USP47: variants seen among roughly 807,000 people sequenced by gnomAD.
USP47 encodes ubiquitin specific peptidase 47, also known as ubiquitin carboxyl-terminal hydrolase 47.
Under a neutral mutation model 165.1 loss-of-function variants are expected in USP47, and 35 were observed. The observed-to-expected ratio is 0.21, with a 90% CI of 0.16 to 0.28. The LOEUF is 0.28. USP47 is among the 10% of genes least tolerant of loss of function. The pLI is 1.00. For synonymous variants in USP47, 531 were observed against 544.5 expected, an observed-to-expected ratio of 0.98 and a Z score of 0.35; for missense variants, 1,277 against 1,607.4, an observed-to-expected ratio of 0.79 and a Z score of 3.52.
intron 1 of USP47, among the ~76,000 whole-genome samples, chr11:11,870,380 A>T (rs1849959680): frequency 6.6e-6 from 1 of 152,170 alleles, no homozygotes; most frequent in African/African-American, 2.4e-5. Context: ...CTCAACTGTC[A>T]AGTCTTTAAT....
rs1401624481 is a variant in USP47 at position 11,922,818 on chromosome 11, A to G, written c.1313A>G (p.Asp438Gly). The change falls in exon 11 of 28, where the codon GAT becomes GGT. Residue 438 changes from aspartate to glycine, a missense_variant. Asp to Gly is a moderately conservative substitution (Grantham distance 94). Around this residue, in one of 4 missense-constraint regions of USP47, gnomAD observed 175 missense variants for 295.8 expected, o/e 0.59. Coordinates refer to ENST00000527733, the MANE Select transcript of USP47 (RefSeq NM_001282659.2). The stretch of plus-strand genomic sequence containing the variant: ...ATGAGCAACGATTTCTCCAATGATG[A>G]TGGTGTTGATGAAGGAATCTGTCTT... ...DQMSNDFSND[D>G]GVDEGICLET... 1.9e-6 allele frequency: 3 copies of G among 1,611,828 alleles called. No homozygotes were observed. Among genetic ancestry groups the G allele is most frequent in the East Asian group, 2.2e-5 (1 of 44,678 alleles).
intron 1 of USP47, among the ~76,000 whole-genome samples, chr11:11,844,532 AC>A (rs764540635): frequency 6.6e-5 from 10 of 152,164 alleles, no homozygotes; most frequent in Non-Finnish European, 1.5e-4. Flanking sequence ...TAAATGGCAG[AC>A]CTAGTGCTAG....
intron 20 of USP47, among the ~76,000 whole-genome samples, chr11:11,945,063 TGGTGAA>T (rs1855735259): frequency 6.6e-6 from 1 of 152,212 alleles, no homozygotes; most frequent in Admixed American, 6.5e-5. Flanking sequence ...ATAGTAAACA[TGGTGAA>T]GAAGAGAAAC....
intron 16 of USP47, among the ~76,000 whole-genome samples, chr11:11,934,819 T>C (rs751244559): frequency 3.9e-5 from 6 of 152,136 alleles, no homozygotes; most frequent in Non-Finnish European, 8.8e-5. Context: ...TTAACAAATA[T>C]AAGTTTTCCC....
At chr11:11,904,025 A>G (rs1329652074) in intron 7 of USP47, among the ~76,000 whole-genome samples, 1 of 152,210 alleles carries the variant, frequency 6.6e-6, no homozygotes, top group Admixed American at 6.5e-5. Context: ...AATGTAGATT[A>G]CAATCTATTC....
intron 1 of USP47, 27 bp from the exon 2 acceptor site, chr11:11,880,150 A>T: frequency 7.1e-7 from 1 of 1,416,280 alleles, no homozygotes; most frequent in African/African-American, 1.5e-5. Flanking sequence ...GATAATATAT[A>T]AAGTCATATT....
intron 1 of USP47, among the ~76,000 whole-genome samples, chr11:11,846,354 C>T (rs1002061899): frequency 5.9e-5 from 9 of 152,128 alleles, no homozygotes; most frequent in Admixed American, 3.9e-4. Flanking sequence ...ATTTGTTCTT[C>T]TCTCAAGTGT....
intron 4 of USP47, among the ~76,000 whole-genome samples, chr11:11,894,301 C>A (rs1851718213): frequency 6.6e-6 from 1 of 151,950 alleles, no homozygotes; most frequent in East Asian, 1.9e-4. Flanking sequence ...ACTAAAAATA[C>A]AAAAATTAGC....
Position 11,884,372 on chromosome 11 carries a change from T to TA in USP47, c.244-88dup, listed in dbSNP as rs1446574777. ...GAAGAGAATTTTACCAGATCATTAC[T>TA]AAAAAAATACTATTTAAATGTAGAT... On this transcript the variant is annotated intron_variant, in intron 2 of 27. Coordinates refer to ENST00000527733, the MANE Select transcript of USP47 (RefSeq NM_001282659.2). The TA allele has an allele frequency of 1.9e-5, 17 of 900,420 alleles. No individual in the cohort carries two copies. The South Asian group carries it at 2.1e-4, about 11-fold the overall frequency. The allele number at this position is 900,420 out of a possible 1,614,324, so 55.8% of individuals were successfully genotyped here. A position where few individuals can be genotyped will look rare whatever the true frequency, so the allele number is the denominator to read the frequency against.
At position 11,957,948 on chromosome 11, in the gene USP47, A is replaced by G. The variant is rs896512019; in HGVS notation, c.*1773A>G. 15 of 152,334 alleles carry G rather than the reference A, an allele frequency of 9.8e-5. No individual in the cohort carries two copies. The highest frequency in any genetic ancestry group is 3.4e-4 in the African/African-American group (14 of 41,574). The allele number at this position is 152,334 out of a possible 1,614,324, so 9.4% of individuals were successfully genotyped here. ...GACTGAAGTAATGTTCTGAGTTTGC[A>G]TTAGTGGGATTGGTGATGTTCTCAG... On this transcript the variant is annotated 3_prime_UTR_variant, in exon 28 of 28. Transcript: ENST00000527733.
intron 8 of USP47, among the ~76,000 whole-genome samples, chr11:11,910,434 G>C (rs1020273699): frequency 1.3e-5 from 2 of 152,098 alleles, no homozygotes; most frequent in South Asian, 4.1e-4. Context: ...GACCATAACT[G>C]CTGTGCTCTA....
chr11:11,862,513 T>C (rs184007560), intron 1 of USP47, among the ~76,000 whole-genome samples: 1 of 152,322 alleles, frequency 6.6e-6, no homozygotes, highest in East Asian at 1.9e-4. Context: ...TTGACATGTT[T>C]GTTTTCCTTG....
intron 11 of USP47, among the ~76,000 whole-genome samples, chr11:11,925,478 C>A (rs920752428): frequency 1.3e-5 from 2 of 152,012 alleles, no homozygotes; most frequent in Non-Finnish European, 2.9e-5. Context: ...GAATTTTATT[C>A]TCTTTGACAC....
At chr11:11,865,192 C>G (rs1025125373) in intron 1 of USP47, among the ~76,000 whole-genome samples, 5 of 152,138 alleles carry the variant, frequency 3.3e-5, no homozygotes, top group African/African-American at 9.7e-5. Flanking sequence ...AGGTTAATGT[C>G]TTTTGCCAAA....
At chr11:11,954,855 T>A in intron 25 of USP47, 42 bp from the exon 26 acceptor site, 2 of 1,602,944 alleles carry the variant, frequency 1.2e-6, no homozygotes, top group Non-Finnish European at 1.7e-6. Context: ...CTAAGCAAGT[T>A]AATTTTTTAA....
chr11:11,891,904 G>A (rs1851539501), intron 3 of USP47, 64 bp from the exon 4 acceptor site: 1 of 1,556,970 alleles, frequency 6.4e-7, no homozygotes, highest in East Asian at 2.3e-5. Context: ...TACAGGAAAT[G>A]GTGAATGCTG....
chr11:11,874,981 A>G (rs1850297558), intron 1 of USP47, among the ~76,000 whole-genome samples: 1 of 151,434 alleles, frequency 6.6e-6, no homozygotes, highest in Non-Finnish European at 1.5e-5. Flanking sequence ...CTAAGGCCTA[A>G]TTACTTAGCT....
intron 1 of USP47, among the ~76,000 whole-genome samples, chr11:11,850,296 A>T (rs1195904318): frequency 2.1e-5 from 3 of 139,898 alleles, no homozygotes; most frequent in African/African-American, 5.3e-5. Flanking sequence ...TCTATTTTCC[A>T]TTTCTTTACA....
intron 14 of USP47, among the ~76,000 whole-genome samples, chr11:11,931,583 A>G (rs934088622): frequency 3.1e-4 from 47 of 152,256 alleles, no homozygotes; most frequent in African/African-American, 1.0e-3. Context: ...CGTGGACCCA[A>G]CCTTCCAATA....
Sources: gnomAD v4.1 joint callset for allele counts (sites outside exome capture counted in the v4.1 genomes callset) on GRCh38, gnomAD v4.1.1 for gene constraint, gnomAD v4.1.1 regional missense constraint, MANE v1.5 for transcripts, NCBI Gene and HGNC (gene_info 2026-07-23, HGNC 2026-07-21) for gene names.